CALD1: variants seen among roughly 807,000 people sequenced by gnomAD.
CALD1 encodes caldesmon 1, also known as caldesmon.
A neutral mutation model predicts 99.9 loss-of-function variants in CALD1; 33 were observed. The ratio of observed to expected loss-of-function variants is 0.33; its 90% CI spans 0.25 to 0.44. The LOEUF is 0.44. Ranked by LOEUF, CALD1 falls within the 20% of genes least tolerant of loss-of-function variation. The pLI is 1.00. For missense variants in CALD1, 861 were observed against 962.1 expected (o/e 0.89, Z 1.39); for synonymous variants, 310 against 325.0 (o/e 0.95, Z 0.50).
chr7:134,761,431 C>T (rs1299024040), intron 1 of CALD1, among the ~76,000 whole-genome samples: 1 of 151,392 alleles, frequency 6.6e-6, no homozygotes, highest in African/African-American at 2.4e-5. Context: ...GGAAAATTTG[C>T]AGTCGATTAA....
chr7:134,754,331 C>T (rs1796710207), intron 1 of CALD1, among the ~76,000 whole-genome samples: 1 of 152,178 alleles, frequency 6.6e-6, no homozygotes, highest in African/African-American at 2.4e-5. Flanking sequence ...TGGCCACTGT[C>T]GCTTATAAAT....
At chr7:134,831,534 T>C (rs1435511575) in intron 1 of CALD1, among the ~76,000 whole-genome samples, 2 of 152,138 alleles carry the variant, frequency 1.3e-5, no homozygotes, top group Non-Finnish European at 2.9e-5. Context: ...TTGGCCAGGC[T>C]GGTCTTGAAC....
intron 12 of CALD1, 55 bp downstream of exon 12, chr7:134,960,166 C>A: frequency 1.3e-6 from 2 of 1,587,698 alleles, no homozygotes; most frequent in South Asian, 2.2e-5. Flanking sequence ...TTTTGCATGT[C>A]GATTTTGATT....
chr7:134,791,627 C>T (rs1797536595), intron 1 of CALD1, among the ~76,000 whole-genome samples: 1 of 152,090 alleles, frequency 6.6e-6, no homozygotes. Flanking sequence ...TTCAGATAAT[C>T]CGAAGAGGCA....
At chr7:134,809,051 A>G (rs973706165) in intron 1 of CALD1, among the ~76,000 whole-genome samples, 1 of 152,220 alleles carries the variant, frequency 6.6e-6, no homozygotes, top group Non-Finnish European at 1.5e-5. Context: ...TAGAATATCT[A>G]TATTTACTAA....
At chr7:134,849,382 T>C (rs564201690) in intron 2 of CALD1, among the ~76,000 whole-genome samples, 29 of 152,310 alleles carry the variant, frequency 1.9e-4, no homozygotes, top group Admixed American at 1.1e-3. Context: ...TCTGTATCCA[T>C]AGGGGATTGG....
intron 2 of CALD1, among the ~76,000 whole-genome samples, chr7:134,854,607 C>G (rs1425695716): frequency 6.6e-6 from 1 of 152,132 alleles, no homozygotes; most frequent in Non-Finnish European, 1.5e-5. Flanking sequence ...GCTAAACTAA[C>G]CATCTCTATT....
At chr7:134,826,454 C>T (rs183004492) in intron 1 of CALD1, among the ~76,000 whole-genome samples, 1 of 152,286 alleles carries the variant, frequency 6.6e-6, no homozygotes, top group Non-Finnish European at 1.5e-5. Context: ...AATCAACACA[C>T]ACCGGAGCTT....
At chr7:134,910,618 A>G (rs1563088363) in intron 3 of CALD1, among the ~76,000 whole-genome samples, 1 of 152,098 alleles carries the variant, frequency 6.6e-6, no homozygotes, top group Non-Finnish European at 1.5e-5. Context: ...CAATCACATG[A>G]CAATAAAAAA....
Position 134,891,567 on chromosome 7 carries a change from G to C in CALD1, c.71+23763G>C. On this transcript the variant is annotated intron_variant, in intron 3 of 14. Coordinates refer to ENST00000361675, the MANE Select transcript of CALD1 (RefSeq NM_033138.4). ...GCCCAGCCCACGCCCTGACCGCCCG[G>C]CCTGGCCAGGTCTCCGTATCTCTCT... 9 of 1,572,980 alleles carry C rather than the reference G, an allele frequency of 5.7e-6. 1 individual carries two copies. In the South Asian group the frequency reaches 9.3e-5, roughly 16 times the overall value.
At chr7:134,967,655 C>T (rs1435639882) in intron 14 of CALD1, among the ~76,000 whole-genome samples, 3 of 152,080 alleles carry the variant, frequency 2.0e-5, no homozygotes, top group African/African-American at 7.2e-5. Flanking sequence ...GCTATTCAGT[C>T]GCATGTGCCT....
intron 1 of CALD1, among the ~76,000 whole-genome samples, chr7:134,842,556 T>C (rs894867738): frequency 6.6e-6 from 1 of 152,130 alleles, no homozygotes; most frequent in Non-Finnish European, 1.5e-5. Context: ...TTAATGAAAA[T>C]CTGGGTCTTC....
chr7:134,871,936 C>G (rs957543117), intron 3 of CALD1, among the ~76,000 whole-genome samples: 1 of 152,242 alleles, frequency 6.6e-6, no homozygotes, highest in Non-Finnish European at 1.5e-5. Flanking sequence ...TTGTGCCATG[C>G]TGGCTTGCAT....
intron 2 of CALD1, among the ~76,000 whole-genome samples, chr7:134,865,636 G>A (rs766332746): frequency 1.2e-4 from 18 of 152,208 alleles, no homozygotes; most frequent in Non-Finnish European, 2.2e-4. Flanking sequence ...AAGAATTTGC[G>A]TGGGTTAAGA....
At chr7:134,832,127 T>A (rs73724870) in intron 1 of CALD1, among the ~76,000 whole-genome samples, 9,865 of 152,288 alleles carry the variant, frequency 0.065, 1,055 homozygotes, top group African/African-American at 0.22. Context: ...CACATGCCCA[T>A]CTGAGGCTTT....
chr7:134,752,959 G>A (rs7780278), intron 1 of CALD1, among the ~76,000 whole-genome samples: 1,807 of 144,834 alleles, frequency 0.012, 35 homozygotes, highest in African/African-American at 0.041. Context: ...TCAGTGAGCC[G>A]AGACAGCACC....
intron 11 of CALD1, 46 bp downstream of exon 11, chr7:134,958,336 T>C: frequency 7.0e-7 from 1 of 1,428,148 alleles, no homozygotes; most frequent in Non-Finnish European, 9.9e-7. Flanking sequence ...CAGAAATAGA[T>C]TCTGACTACA....
the CALD1 span, among the ~76,000 whole-genome samples, chr7:134,730,011 G>GT: frequency 6.6e-6 from 1 of 152,170 alleles, no homozygotes; most frequent in Non-Finnish European, 1.5e-5. Context: ...AGAGCACCAT[G>GT]TAAACAGACA....
intron 1 of CALD1, among the ~76,000 whole-genome samples, chr7:134,828,026 C>T (rs1211517302): frequency 3.3e-5 from 5 of 152,172 alleles, no homozygotes; most frequent in African/African-American, 7.2e-5. Flanking sequence ...ACTTTGGTTT[C>T]GTTGATGTGA....
Sources: gnomAD v4.1 joint callset for allele counts (sites outside exome capture counted in the v4.1 genomes callset) on GRCh38, gnomAD v4.1.1 for gene constraint, MANE v1.5 for transcripts, NCBI Gene and HGNC (gene_info 2026-07-23, HGNC 2026-07-21) for gene names.